Variants in C1orf54 observed in about 807,000 individuals in gnomAD.
C1orf54 encodes chromosome 1 open reading frame 54.
Under a neutral mutation model 14.7 loss-of-function variants are expected in C1orf54, and 12 were observed. That is an observed-to-expected ratio of 0.82 (90% CI 0.52 to 1.32). The LOEUF (loss-of-function observed/expected upper bound fraction) is 1.32. C1orf54 is among the 40% of genes most tolerant of loss of function. The pLI, the probability that C1orf54 is intolerant of heterozygous loss-of-function variation, is 0.00. For synonymous variants in C1orf54, 65 were observed against 56.3 expected (o/e 1.16, Z -0.70); for missense variants, 163 against 162.2 (o/e 1.00, Z -0.03).
chr1:150,277,876 T>C (rs1652794321), intron 4 of C1orf54, among the ~76,000 whole-genome samples: 1 of 152,194 alleles, frequency 6.6e-6, no homozygotes, highest in South Asian at 2.1e-4. Context: ...AGTGAGCTGA[T>C]CACCTGAAGT....
chr1:150,280,310 G>A (rs1553853177), intron 5 of C1orf54, among the ~76,000 whole-genome samples: 1 of 152,228 alleles, frequency 6.6e-6, no homozygotes, highest in African/African-American at 2.4e-5. Context: ...GAGATGCTGA[G>A]GCAGACTTTT....
upstream of C1orf54, chr1:150,268,996 T>C: frequency 1.8e-6 from 1 of 551,086 alleles, no homozygotes; most frequent in Non-Finnish European, 3.3e-6. Context: ...CCGCGCCACT[T>C]CCTCTACGGA....
At chr1:150,278,012 G>A (rs782089275) in intron 4 of C1orf54, among the ~76,000 whole-genome samples, 4 of 151,934 alleles carry the variant, frequency 2.6e-5, no homozygotes, top group African/African-American at 9.7e-5. Context: ...CAGGAGAATC[G>A]CTTGAACCTG....
At chr1:150,280,625 G>T (rs1371936900) in intron 5 of C1orf54, among the ~76,000 whole-genome samples, 1 of 152,168 alleles carries the variant, frequency 6.6e-6, no homozygotes, top group Admixed American at 6.6e-5. Context: ...TTTTAAATTG[G>T]GATGCTAAAT....
chr1:150,277,060 A>C (rs1652716283), intron 4 of C1orf54, among the ~76,000 whole-genome samples: 1 of 152,248 alleles, frequency 6.6e-6, no homozygotes, highest in African/African-American at 2.4e-5. Flanking sequence ...CAATGTAAGA[A>C]GAGAGATTAG....
chr1:150,275,024 T>C (rs1418945495), intron 2 of C1orf54, among the ~76,000 whole-genome samples: 4 of 141,508 alleles, frequency 2.8e-5, no homozygotes, highest in African/African-American at 1.1e-4. Context: ...TAGCAAGACC[T>C]TGTCTCTATA....
At chr1:150,276,925 T>C (rs1652704952) in intron 4 of C1orf54, among the ~76,000 whole-genome samples, 1 of 121,988 alleles carries the variant, frequency 8.2e-6, no homozygotes, top group South Asian at 2.7e-4. Context: ...AAGAAATCTA[T>C]GTTACTGTCC....
At chr1:150,277,024 G>A (rs1376438186) in intron 4 of C1orf54, among the ~76,000 whole-genome samples, 3 of 152,206 alleles carry the variant, frequency 2.0e-5, no homozygotes, top group Non-Finnish European at 2.9e-5. Context: ...AAATTTGAAA[G>A]CAGAAGATAC....
intron 2 of C1orf54, among the ~76,000 whole-genome samples, chr1:150,275,146 C>A (rs1652541880): frequency 6.6e-6 from 1 of 151,456 alleles, no homozygotes. Context: ...TCCAGCTATT[C>A]TCTTGCCTCA....
Position 150,280,855 on chromosome 1 carries a change from C to A in C1orf54, c.*24C>A. ...TTTAGGTGGAAGAAGGCTGCTATGA[C>A]TCTTTGGATGGGAGTCTGGCAAGAG... On this transcript the variant is annotated 3_prime_UTR_variant, in exon 6 of 6. Transcript: ENST00000369099. The A allele has an allele frequency of 1.3e-6, 2 of 1,550,252 alleles. No individual in the cohort carries two copies. The highest frequency in any genetic ancestry group is 4.9e-5 in the East Asian group (2 of 40,916).
At chr1:150,268,824 G>A (rs1241675708), upstream of C1orf54, 1 of 1,607,100 alleles carries the variant, frequency 6.2e-7, no homozygotes, top group South Asian at 1.1e-5. Context: ...TGGTCAGGTG[G>A]GAAGGGGGGT....
At chr1:150,275,918 T>C (rs782582712) in intron 3 of C1orf54, 119 bp downstream of exon 3, 42 of 819,258 alleles carry the variant, frequency 5.1e-5, no homozygotes, top group Middle Eastern at 3.4e-4. Context: ...GAGTGGATCA[T>C]TTGAGGTCAA....
chr1:150,270,589 G>A (rs1195305935), upstream of C1orf54, among the ~76,000 whole-genome samples: 3 of 152,108 alleles, frequency 2.0e-5, no homozygotes, highest in South Asian at 4.2e-4. Context: ...GTTACAGTGA[G>A]CTGAGATCCC....
upstream of C1orf54, chr1:150,268,905 AC>A: frequency 9.2e-7 from 1 of 1,090,596 alleles, no homozygotes; most frequent in Non-Finnish European, 1.3e-6. Flanking sequence ...TGGCAACGCG[AC>A]CCCACGAGGG....
chr1:150,271,028 G>A (rs1179070220), upstream of C1orf54, among the ~76,000 whole-genome samples: 1 of 151,002 alleles, frequency 6.6e-6, no homozygotes. Flanking sequence ...AGAGGGTAGC[G>A]TTATCATGAC....
intron 4 of C1orf54, 95 bp from the exon 5 acceptor site, chr1:150,279,548 G>C: frequency 9.0e-7 from 1 of 1,105,666 alleles, no homozygotes; most frequent in Non-Finnish European, 1.3e-6. Context: ...GACAGAGGTT[G>C]TTGTAAAGAG....
chr1:150,269,849 C>T (rs1260320152), upstream of C1orf54, among the ~76,000 whole-genome samples: 1 of 152,004 alleles, frequency 6.6e-6, no homozygotes, highest in East Asian at 1.9e-4. Context: ...CCAGCCTGGC[C>T]AACATGGCGA....
At chr1:150,274,066 C>T in intron 1 of C1orf54, 21 bp from the exon 2 acceptor site, 1 of 1,561,308 alleles carries the variant, frequency 6.4e-7, no homozygotes, top group Non-Finnish European at 8.8e-7. Context: ...GTCCCTTGAC[C>T]TCTAGTCCTT....
intron 3 of C1orf54, 111 bp downstream of exon 3, chr1:150,275,910 GT>G: frequency 1.1e-6 from 1 of 912,610 alleles, no homozygotes; most frequent in Admixed American, 2.4e-5. Flanking sequence ...GCCAAGGCGA[GT>G]GGATCATTTG....
Sources: gnomAD v4.1 joint callset for allele counts (sites outside exome capture counted in the v4.1 genomes callset) on GRCh38, gnomAD v4.1.1 for gene constraint, MANE v1.5 for transcripts, NCBI Gene and HGNC (gene_info 2026-07-23, HGNC 2026-07-21) for gene names.